ZDHHC15: variants seen among roughly 807,000 people sequenced by gnomAD.
ZDHHC15 encodes zDHHC palmitoyltransferase 15.
ZDHHC15 carries 19 observed loss-of-function variants against 31.7 expected under a neutral mutation model. That is an observed-to-expected ratio of 0.60 (90% CI 0.42 to 0.88). The LOEUF is 0.88. ZDHHC15 is among the 40% of genes least tolerant of loss of function. ZDHHC15 has a pLI of 0.00. For missense variants in ZDHHC15, 209 were observed against 251.2 expected (o/e 0.83, Z 1.14); for synonymous variants, 103 against 90.0 (o/e 1.14, Z -0.82).
intron 10 of ZDHHC15, among the ~76,000 whole-genome samples, chrX:75,385,373 A>G (rs1179280587): frequency 9.0e-6 from 1 of 111,189 alleles, no homozygotes; most frequent in Non-Finnish European, 1.9e-5. Flanking sequence ...TCACTTCCTC[A>G]TCTTCCTGAA....
At position 75,369,878 on chromosome X, in the gene ZDHHC15, T is replaced by C. The variant is rs1351836937; in HGVS notation, c.*3100A>G. The stretch of plus-strand genomic sequence containing the variant: ...AGTTACTTTAACAATGTACTGAACA[T>C]GGTAACTGTGAGCCCTGCATAAGAC... On this transcript the variant is annotated 3_prime_UTR_variant, in exon 12 of 12. Transcript: ENST00000373367. The C allele has an allele frequency of 8.9e-6, 1 of 111,900 alleles. No homozygotes were observed. The highest frequency in any genetic ancestry group is 1.9e-5 in the Non-Finnish European group (1 of 53,233). 9.2% of individuals were successfully genotyped at this position (111,900 alleles called of 1,213,427 possible). A position where few individuals can be genotyped will look rare whatever the true frequency, so the allele number is the denominator to read the frequency against.
chrX:75,390,314 A>T (rs1252454252), intron 10 of ZDHHC15, among the ~76,000 whole-genome samples: 1 of 111,605 alleles, frequency 9.0e-6, no homozygotes, highest in Non-Finnish European at 1.9e-5. Flanking sequence ...AAGAACAGAA[A>T]CCTGGCTGGC....
chrX:75,509,519 A>G (rs58863833), intron 1 of ZDHHC15, among the ~76,000 whole-genome samples: 10,037 of 111,557 alleles, frequency 0.09, 698 homozygotes, highest in African/African-American at 0.24. Flanking sequence ...CCAGTGAGAT[A>G]AGCACTCACT....
chrX:75,471,291 T>C (rs750209829), intron 3 of ZDHHC15, among the ~76,000 whole-genome samples: 2 of 112,366 alleles, frequency 1.8e-5, no homozygotes, highest in Non-Finnish European at 3.8e-5. Flanking sequence ...ATTATCTTAT[T>C]GGGAGAGACC....
intron 6 of ZDHHC15, among the ~76,000 whole-genome samples, chrX:75,429,613 G>T (rs1194205976): frequency 8.9e-6 from 1 of 111,747 alleles, no homozygotes; most frequent in East Asian, 2.8e-4. Context: ...TAACATTCTA[G>T]AATATTTCAA....
intron 2 of ZDHHC15, among the ~76,000 whole-genome samples, chrX:75,481,337 A>G (rs903936155): frequency 2.4e-4 from 27 of 111,664 alleles, no homozygotes; most frequent in Non-Finnish European, 4.3e-4. Flanking sequence ...ACTGAGCACT[A>G]AACTCCTACA....
chrX:75,403,038 C>A (rs1456054765), intron 10 of ZDHHC15, among the ~76,000 whole-genome samples: 1 of 111,949 alleles, frequency 8.9e-6, no homozygotes, highest in Non-Finnish European at 1.9e-5. Context: ...AGCCAATCCA[C>A]CATGATCAGG....
chrX:75,373,270 T>C (rs2083020181), intron 11 of ZDHHC15, among the ~76,000 whole-genome samples: 1 of 111,501 alleles, frequency 9.0e-6, no homozygotes, highest in Non-Finnish European at 1.9e-5. Flanking sequence ...TATAATTTGA[T>C]ACTTCAAAAA....
rs1346158710 is a variant in ZDHHC15 at position 75,474,448 on chromosome X, T to TATAC, written c.258+4442_258+4443insGTAT. 8.9e-5 allele frequency among the ~76,000 whole-genome samples: 7 copies of TATAC among 78,654 alleles called. No individual in the cohort carries two copies. In the East Asian group the frequency reaches 4.2e-3, roughly 47 times the overall value. 68.3% of individuals were successfully genotyped at this position (78,654 alleles called of 115,157 possible). ...AAACTCCCCTTTATATATATATATATACACACACACACACACACACACACA... is the reference window on the plus strand; with the variant it reads ...AAACTCCCCTTTATATATATATATATATACACACACACACACACACACACACACA... On this transcript the variant is annotated intron_variant, in intron 3 of 11. Coordinates refer to ENST00000373367, the MANE Select transcript of ZDHHC15 (RefSeq NM_144969.3).
intron 2 of ZDHHC15, among the ~76,000 whole-genome samples, chrX:75,498,210 G>C (rs2085036592): frequency 9.0e-6 from 1 of 110,860 alleles, no homozygotes; most frequent in African/African-American, 3.3e-5. Flanking sequence ...TGGGATTACA[G>C]GCGTGAGCCA....
chrX:75,417,926 G>A (rs2083566823), intron 9 of ZDHHC15, among the ~76,000 whole-genome samples: 1 of 112,109 alleles, frequency 8.9e-6, no homozygotes, highest in Non-Finnish European at 1.9e-5. Flanking sequence ...TGTTACCTAT[G>A]CCTTTTCTCC....
chrX:75,442,934 C>T lies in ZDHHC15; in HGVS notation c.379+7868G>A, dbSNP rs768636984. ...CCAGGAGGCGGAGCTTGCAGTGAGCCGAGAGCCCGCCACTGCACTCCAGCC... is the reference window on the plus strand; with the variant it reads ...CCAGGAGGCGGAGCTTGCAGTGAGCTGAGAGCCCGCCACTGCACTCCAGCC... On this transcript the variant is annotated intron_variant, in intron 4 of 11. Coordinates refer to ENST00000373367, the MANE Select transcript of ZDHHC15 (RefSeq NM_144969.3). 9.1e-5 allele frequency among the ~76,000 whole-genome samples: 9 copies of T among 98,670 alleles called. No individual in the cohort carries two copies. In the South Asian group the frequency reaches 3.4e-3, roughly 37 times the overall value. 85.7% of individuals were successfully genotyped at this position (98,670 alleles called of 115,157 possible).
At chrX:75,436,687 G>A (rs1001503231) in intron 4 of ZDHHC15, among the ~76,000 whole-genome samples, 3 of 111,775 alleles carry the variant, frequency 2.7e-5, no homozygotes, top group Non-Finnish European at 5.6e-5. Flanking sequence ...ATTCCACTGT[G>A]GTCTGAGAAA....
At chrX:75,390,643 C>A (rs190125036) in intron 10 of ZDHHC15, among the ~76,000 whole-genome samples, 1 of 111,760 alleles carries the variant, frequency 8.9e-6, no homozygotes, top group East Asian at 2.8e-4. Flanking sequence ...CACAGCATTA[C>A]TGGGCTTGAG....
intron 2 of ZDHHC15, among the ~76,000 whole-genome samples, chrX:75,493,380 T>A: frequency 8.9e-6 from 1 of 111,896 alleles, no homozygotes. Context: ...ACATTCCTTC[T>A]GAAACTATTC....
In ZDHHC15 at chrX:75,464,115, A is replaced by G. The variant is rs1482663668; in HGVS notation, c.259-13193T>C. Among the ~76,000 whole-genome samples the G allele has an allele frequency of 6.3e-5, 7 of 111,908 alleles. No homozygotes were observed. The Admixed American group carries it at 6.7e-4, about 11-fold the overall frequency. On this transcript the variant is annotated intron_variant, in intron 3 of 11. Coordinates refer to ENST00000373367, the MANE Select transcript of ZDHHC15 (RefSeq NM_144969.3). Reference sequence around the variant, plus strand: ...GAATACTATGCAGCCATATAAAAGGATGAGTTCATGTCCTTTGCAGGGACA... The same window carrying G: ...GAATACTATGCAGCCATATAAAAGGGTGAGTTCATGTCCTTTGCAGGGACA...
chrX:75,376,790 A>C (rs1212506748), intron 11 of ZDHHC15, among the ~76,000 whole-genome samples: 1 of 111,733 alleles, frequency 8.9e-6, no homozygotes, highest in East Asian at 2.8e-4. Context: ...GTTTGCAAAT[A>C]TTTTTCAAGT....
intron 4 of ZDHHC15, among the ~76,000 whole-genome samples, chrX:75,443,927 C>T (rs1400934660): frequency 1.8e-5 from 2 of 111,092 alleles, no homozygotes; most frequent in African/African-American, 6.5e-5. Context: ...GATACCATCT[C>T]ACACCAGTTA....
intron 3 of ZDHHC15, among the ~76,000 whole-genome samples, chrX:75,464,861 C>A (rs2084377691): frequency 9.0e-6 from 1 of 111,636 alleles, no homozygotes; most frequent in Admixed American, 9.5e-5. Context: ...ACTAAGTGGG[C>A]AAACCTGGAA....
Sources: gnomAD v4.1 joint callset for allele counts (sites outside exome capture counted in the v4.1 genomes callset) on GRCh38, gnomAD v4.1.1 for gene constraint, MANE v1.5 for transcripts, NCBI Gene and HGNC (gene_info 2026-07-23, HGNC 2026-07-21) for gene names.